NBEA: variants seen among roughly 807,000 people sequenced by gnomAD.
NBEA encodes lysosomal-trafficking regulator 2.
A neutral mutation model predicts 343.4 loss-of-function variants in NBEA; 44 were observed. The observed-to-expected ratio is 0.13, with a 90% CI of 0.10 to 0.16. NBEA has a LOEUF of 0.16. NBEA is among the 10% of genes least tolerant of loss of function. NBEA has a pLI of 1.00. For missense variants in NBEA, 2,555 were observed against 3,631.3 expected (o/e 0.70, Z 7.62); for synonymous variants, 1,175 against 1,238.7 (o/e 0.95, Z 1.08).
rs1341608177 is a variant in NBEA, at chr13:35,671,332, C to A, written c.*341C>A. 2.4e-5 allele frequency: 4 copies of A among 168,038 alleles called. No individual in the cohort carries two copies. Among genetic ancestry groups the A allele is most frequent in the African/African-American group, 4.9e-5 (2 of 41,198 alleles). 10.4% of individuals were successfully genotyped at this position (168,038 alleles called of 1,614,324 possible). On this transcript the variant is annotated 3_prime_UTR_variant, in exon 59 of 59. Transcript: ENST00000379939. ...TGAGGAACCTTGTGTCCAGTTGTTACAAAGTTTAAGCTTTGAACCTAACCT... is the reference window on the plus strand; with the variant it reads ...TGAGGAACCTTGTGTCCAGTTGTTAAAAAGTTTAAGCTTTGAACCTAACCT...
chr13:34,970,416 T>A (rs1048390644), intron 1 of NBEA, among the ~76,000 whole-genome samples: 1 of 152,220 alleles, frequency 6.6e-6, no homozygotes, highest in Non-Finnish European at 1.5e-5. Flanking sequence ...TTGCTTTTGT[T>A]GCAGTTGCTT....
intron 12 of NBEA, among the ~76,000 whole-genome samples, chr13:35,110,130 T>A (rs2152657902): frequency 6.6e-6 from 1 of 150,612 alleles, no homozygotes; most frequent in Non-Finnish European, 1.5e-5. Context: ...TATGTATACA[T>A]GTGCCATGCT....
At chr13:35,305,376 T>TG (rs2036823602) in intron 35 of NBEA, among the ~76,000 whole-genome samples, 1 of 152,210 alleles carries the variant, frequency 6.6e-6, no homozygotes, top group African/African-American at 2.4e-5. Flanking sequence ...TTCTTAGATA[T>TG]GGGTCTATCT....
At chr13:35,545,786 T>A (rs926808939) in intron 41 of NBEA, among the ~76,000 whole-genome samples, 1 of 152,156 alleles carries the variant, frequency 6.6e-6, no homozygotes, top group Non-Finnish European at 1.5e-5. Context: ...TCTAATCCAG[T>A]CGAAAGTTCC....
chr13:35,319,445 C>T (rs766299362), intron 36 of NBEA, among the ~76,000 whole-genome samples: 3 of 152,172 alleles, frequency 2.0e-5, no homozygotes, highest in Admixed American at 1.3e-4. Context: ...AATTTGATTG[C>T]ACTGTGGTCT....
In NBEA at chr13:35,005,018, G is replaced by A. The variant is rs891349932; in HGVS notation, c.295-35915G>A. ...TACCTTATTTATTATATATTATAAT[G>A]CATTAAGTTGATACTGATTATCAAC... On this transcript the variant is annotated intron_variant, in intron 1 of 58. Transcript: ENST00000379939. Among the ~76,000 whole-genome samples, 4 of 151,964 alleles carry A rather than the reference G, an allele frequency of 2.6e-5. No individual in the cohort carries two copies. In the East Asian group the frequency reaches 7.7e-4, roughly 29 times the overall value.
At chr13:35,291,286 T>C (rs752492835) in intron 35 of NBEA, among the ~76,000 whole-genome samples, 2 of 151,918 alleles carry the variant, frequency 1.3e-5, no homozygotes, top group Non-Finnish European at 2.9e-5. Flanking sequence ...ATTACTGGCC[T>C]GAGGTTTGCC....
At chr13:35,171,049 A>T in intron 25 of NBEA, 1 of 658,552 alleles carries the variant, frequency 1.5e-6, no homozygotes, top group African/African-American at 1.8e-5. Context: ...ACTAATGTTG[A>T]TTTTAAAATG....
intron 1 of NBEA, among the ~76,000 whole-genome samples, chr13:34,952,938 A>G (rs993541464): frequency 1.3e-5 from 2 of 152,140 alleles, no homozygotes; most frequent in East Asian, 1.9e-4. Context: ...TAACTAATCT[A>G]TAACTGAGGT....
At chr13:35,424,759 G>T (rs182867658) in intron 38 of NBEA, among the ~76,000 whole-genome samples, 7 of 152,150 alleles carry the variant, frequency 4.6e-5, no homozygotes, top group African/African-American at 1.7e-4. Context: ...GTAGAATTCG[G>T]CTGTGAATCC....
intron 41 of NBEA, among the ~76,000 whole-genome samples, chr13:35,492,731 T>C (rs544685009): frequency 6.6e-6 from 1 of 151,840 alleles, no homozygotes. Context: ...GAAGATAAAT[T>C]TGTAGATGGT....
At position 35,050,412 on chromosome 13, in the gene NBEA, A is replaced by C; in HGVS notation, c.972+17A>C. 6.2e-7 allele frequency: 1 copy of C among 1,602,258 alleles called. No homozygotes were observed. The highest frequency in any genetic ancestry group is 8.5e-7 in the Non-Finnish European group (1 of 1,173,892). On this transcript the variant is annotated intron_variant, in intron 6 of 58. Transcript: ENST00000379939. ...CCACGCAAGGTAGGTAAAAGTAAAT[A>C]TTTTTATAACTCACCTGTTATGACA...
intron 36 of NBEA, among the ~76,000 whole-genome samples, chr13:35,331,952 T>G (rs1012013895): frequency 2.6e-5 from 4 of 152,060 alleles, no homozygotes; most frequent in Non-Finnish European, 5.9e-5. Flanking sequence ...CCTTGTTTTT[T>G]CCATGTTAAA....
At chr13:35,184,201 G>T (rs1162491455) in intron 30 of NBEA, 130 bp downstream of exon 30, 2 of 579,952 alleles carry the variant, frequency 3.4e-6, no homozygotes, top group Non-Finnish European at 5.7e-6. Context: ...ATGATATGTT[G>T]TATTTATACC....
chr13:35,083,178 C>T (rs1178960632), intron 10 of NBEA, among the ~76,000 whole-genome samples: 1 of 152,156 alleles, frequency 6.6e-6, no homozygotes, highest in African/African-American at 2.4e-5. Flanking sequence ...AATAGGGAAT[C>T]CTTTCCCATT....
At chr13:35,043,095 G>A (rs113693267) in intron 2 of NBEA, among the ~76,000 whole-genome samples, 1 of 151,632 alleles carries the variant, frequency 6.6e-6, no homozygotes, top group Admixed American at 6.6e-5. Context: ...AAACTGAGCT[G>A]CTTGGTTGTG....
chr13:35,136,401 T>C (rs1213543229), intron 17 of NBEA, among the ~76,000 whole-genome samples: 3 of 152,194 alleles, frequency 2.0e-5, no homozygotes, highest in African/African-American at 7.2e-5. Flanking sequence ...TTCCAAGTTT[T>C]TGTATTAACT....
At chr13:35,234,771 A>AT (rs1309567066) in intron 34 of NBEA, among the ~76,000 whole-genome samples, 1 of 152,152 alleles carries the variant, frequency 6.6e-6, no homozygotes, top group Admixed American at 6.6e-5. Flanking sequence ...TGAATTCCAG[A>AT]CATAGTTGAA....
In NBEA at chr13:35,045,412, AATAC is replaced by A. The variant is rs1466582183; in HGVS notation, c.723+14_723+17del. 6.4e-7 allele frequency: 1 copy of A among 1,574,016 alleles called. No homozygotes were observed. The highest frequency in any genetic ancestry group is 1.7e-5 in the Admixed American group (1 of 57,528). ...GGTTGTAGCGCTGCGGTAAGTTTTA[AATAC>A]ATGTGCTGATTTTTATTTATTTATT... On this transcript the variant is annotated intron_variant, in intron 4 of 58. Coordinates refer to ENST00000379939, the MANE Select transcript of NBEA (RefSeq NM_001385012.1).
Sources: gnomAD v4.1 joint callset for allele counts (sites outside exome capture counted in the v4.1 genomes callset) on GRCh38, gnomAD v4.1.1 for gene constraint, MANE v1.5 for transcripts, NCBI Gene and HGNC (gene_info 2026-07-23, HGNC 2026-07-21) for gene names.